TPTE: variants seen among roughly 807,000 people sequenced by gnomAD.
The protein encoded by TPTE is putative tyrosine-protein phosphatase TPTE.
A neutral mutation model predicts 84.1 loss-of-function variants in TPTE; 59 were observed. The ratio of observed to expected loss-of-function variants is 0.70; its 90% CI spans 0.57 to 0.87. TPTE has a LOEUF of 0.87. Among genes scored for constraint, TPTE ranks in the 40% least tolerant of loss-of-function variants. TPTE has a pLI of 0.00. For synonymous variants in TPTE, 130 were observed against 223.5 expected, an observed-to-expected ratio of 0.58 and a Z score of 3.73; for missense variants, 382 against 659.6, an observed-to-expected ratio of 0.58 and a Z score of 4.61.
chr21:10,576,816 T>C (rs2145727545), intron 14 of TPTE, among the ~76,000 whole-genome samples: 1 of 151,022 alleles, frequency 6.6e-6, no homozygotes, highest in East Asian at 1.9e-4. Flanking sequence ...TTGTTTTTCA[T>C]TTTAAAGGTT....
intron 17 of TPTE, among the ~76,000 whole-genome samples, chr21:10,587,243 T>A (rs1395212241): frequency 6.6e-6 from 1 of 152,310 alleles, no homozygotes. Flanking sequence ...GCTTTTAGAT[T>A]TGGAAGTGCA....
intron 2 of TPTE, among the ~76,000 whole-genome samples, chr21:10,525,856 A>G (rs907518496): frequency 1.3e-5 from 2 of 152,306 alleles, no homozygotes; most frequent in East Asian, 3.8e-4. Flanking sequence ...ACATCTATGG[A>G]TGTCTCGTGC....
At chr21:10,527,812 G>A (rs1158040471) in intron 3 of TPTE, among the ~76,000 whole-genome samples, 1 of 152,312 alleles carries the variant, frequency 6.6e-6, no homozygotes, top group Admixed American at 6.5e-5. Context: ...ACATTGGATG[G>A]AGCCCCTGCC....
chr21:10,574,603 C>T (rs1285950264), intron 14 of TPTE, among the ~76,000 whole-genome samples: 2 of 152,424 alleles, frequency 1.3e-5, no homozygotes, highest in African/African-American at 4.8e-5. Context: ...CAGGTTCTCA[C>T]ATTGGGACTG....
intron 17 of TPTE, among the ~76,000 whole-genome samples, chr21:10,585,205 G>A (rs1444412932): frequency 6.6e-6 from 1 of 151,818 alleles, no homozygotes; most frequent in Non-Finnish European, 1.5e-5. Flanking sequence ...TCTCCAACCT[G>A]GATGACAGAG....
At chr21:10,550,267 A>G (rs2074548219) in intron 7 of TPTE, among the ~76,000 whole-genome samples, 2 of 152,304 alleles carry the variant, frequency 1.3e-5, no homozygotes, top group South Asian at 2.1e-4. Context: ...TAGATTAAAT[A>G]CCCCATGAAG....
intron 17 of TPTE, among the ~76,000 whole-genome samples, chr21:10,585,241 C>CA (rs61644136): frequency 7.2e-3 from 1,034 of 143,768 alleles, no homozygotes; most frequent in East Asian, 0.034. Context: ...AAAAATGAAA[C>CA]AAAAAAAAAA....
chr21:10,554,506 A>G (rs1410782866), intron 8 of TPTE, among the ~76,000 whole-genome samples: 2 of 152,312 alleles, frequency 1.3e-5, no homozygotes, highest in African/African-American at 4.8e-5. Flanking sequence ...GTTCTAATGC[A>G]TGTTCTTTGA....
chr21:10,549,439 T>TA (rs2074531451), intron 7 of TPTE, among the ~76,000 whole-genome samples: 1 of 152,310 alleles, frequency 6.6e-6, no homozygotes, highest in Non-Finnish European at 1.5e-5. Flanking sequence ...TGTAAGGTAA[T>TA]ACAGATAGAC....
chr21:10,550,188 A>G (rs1284204705), intron 7 of TPTE, among the ~76,000 whole-genome samples: 1 of 152,312 alleles, frequency 6.6e-6, no homozygotes, highest in Non-Finnish European at 1.5e-5. Flanking sequence ...TGGAAGTAAA[A>G]AGATGATAAC....
chr21:10,522,347 G>C (rs977829882), intron 1 of TPTE, among the ~76,000 whole-genome samples: 5 of 152,288 alleles, frequency 3.3e-5, no homozygotes, highest in Non-Finnish European at 7.3e-5. Flanking sequence ...CGCCGGGAGC[G>C]GGGGTCCGGG....
At chr21:10,525,698 A>G (rs939393703) in intron 2 of TPTE, among the ~76,000 whole-genome samples, 1 of 152,310 alleles carries the variant, frequency 6.6e-6, no homozygotes, top group African/African-American at 2.4e-5. Context: ...ACTTCAGTTT[A>G]GGACGGTTTG....
chr21:10,561,619 T>G (rs2074806685), intron 10 of TPTE, among the ~76,000 whole-genome samples: 1 of 152,300 alleles, frequency 6.6e-6, no homozygotes, highest in African/African-American at 2.4e-5. Flanking sequence ...TGTCCTGTGT[T>G]TGAGGTGGCC....
At chr21:10,588,671 A>T in intron 17 of TPTE, among the ~76,000 whole-genome samples, 1 of 152,312 alleles carries the variant, frequency 6.6e-6, no homozygotes. Context: ...GTCACTTTAC[A>T]TAATCTCATA....
chr21:10,558,069 A>G (rs1242467612), intron 8 of TPTE, among the ~76,000 whole-genome samples: 2 of 152,312 alleles, frequency 1.3e-5, no homozygotes, highest in Non-Finnish European at 2.9e-5. Flanking sequence ...TGATGTTCCC[A>G]CAAAATACAT....
At chr21:10,596,971 GAAAAC>G (rs1202263062) in intron 20 of TPTE, among the ~76,000 whole-genome samples, 76 of 152,340 alleles carry the variant, frequency 5.0e-4, no homozygotes, top group Non-Finnish European at 9.7e-4. Flanking sequence ...AAAATTAAAT[GAAAAC>G]AAACAGCATA....
At chr21:10,574,119 T>A (rs1157577261) in intron 14 of TPTE, among the ~76,000 whole-genome samples, 2 of 152,306 alleles carry the variant, frequency 1.3e-5, no homozygotes, top group Non-Finnish European at 2.9e-5. Context: ...AGTCGGGGCA[T>A]ATTGCTTTAG....
At chr21:10,538,026 TAAA>T (rs1350382881) in intron 3 of TPTE, among the ~76,000 whole-genome samples, 5 of 152,306 alleles carry the variant, frequency 3.3e-5, no homozygotes. Flanking sequence ...TGAGTAAAAA[TAAA>T]AACTAATTTT....
chr21:10,554,386 G>A (rs1183392090), intron 8 of TPTE, among the ~76,000 whole-genome samples: 68 of 152,402 alleles, frequency 4.5e-4, no homozygotes, highest in African/African-American at 1.2e-4. Flanking sequence ...TGATTGTGAC[G>A]CTATTGATAT....
Sources: allele counts gnomAD v4.1 joint callset (sites outside exome capture counted in the v4.1 genomes callset), GRCh38; gene constraint gnomAD v4.1.1; transcripts MANE v1.5; gene names NCBI Gene and HGNC (gene_info 2026-07-23, HGNC 2026-07-21).